Variants in CCDC102B observed in about 807,000 individuals in gnomAD.
The protein encoded by CCDC102B is coiled-coil domain-containing protein 102B.
A neutral mutation model predicts 57.4 loss-of-function variants in CCDC102B; 75 were observed. The ratio of observed to expected loss-of-function variants is 1.31; its 90% CI spans 1.08 to 1.58. The LOEUF (loss-of-function observed/expected upper bound fraction) is 1.58. Among genes scored for constraint, CCDC102B ranks in the 40% most tolerant of loss-of-function variants. The pLI, the probability that CCDC102B is intolerant of heterozygous loss-of-function variation, is 0.00. For synonymous variants in CCDC102B, 206 were observed against 201.9 expected, an observed-to-expected ratio of 1.02 and a Z score of -0.17; for missense variants, 636 against 582.6, an observed-to-expected ratio of 1.09 and a Z score of -0.94.
chr18:68,868,084 A>G (rs1385569173), intron 4 of CCDC102B, among the ~76,000 whole-genome samples: 3 of 152,108 alleles, frequency 2.0e-5, no homozygotes, highest in Non-Finnish European at 4.4e-5. Context: ...TTCCAGAAAA[A>G]AAAACTTCTT....
chr18:68,852,565 T>C (rs935501167), intron 4 of CCDC102B, among the ~76,000 whole-genome samples: 4 of 152,216 alleles, frequency 2.6e-5, no homozygotes, highest in African/African-American at 9.6e-5. Flanking sequence ...AACATAGCAC[T>C]TTGGCACCTG....
chr18:68,771,277 G>A (rs945268523), intron 2 of CCDC102B, among the ~76,000 whole-genome samples: 1 of 152,214 alleles, frequency 6.6e-6, no homozygotes, highest in Non-Finnish European at 1.5e-5. Flanking sequence ...AAAGGGGAGA[G>A]GATGTTCTTT....
At chr18:68,795,330 A>C (rs117430995), upstream of CCDC102B, among the ~76,000 whole-genome samples, 194 of 152,266 alleles carry the variant, frequency 1.3e-3, no homozygotes, top group Non-Finnish European at 1.9e-3. Flanking sequence ...GGAAATACAG[A>C]TCTGAAGCTT....
At position 68,863,345 on chromosome 18, in the gene CCDC102B, G is replaced by A. The variant is rs538774233; in HGVS notation, c.937-11324G>A. ...CTGTGTCTCCTACAAAATGAAAGTC[G>A]GATTTAAAGGGTTTGGTTTGAATCA... On this transcript the variant is annotated intron_variant, in intron 4 of 7. Coordinates refer to ENST00000360242, the MANE Select transcript of CCDC102B (RefSeq NM_024781.3). Among the ~76,000 whole-genome samples the A allele has an allele frequency of 3.3e-5, 5 of 151,832 alleles. No homozygotes were observed. The East Asian group carries it at 7.7e-4, about 23-fold the overall frequency.
At chr18:68,932,578 C>T (rs2041713004) in intron 6 of CCDC102B, among the ~76,000 whole-genome samples, 1 of 151,766 alleles carries the variant, frequency 6.6e-6, no homozygotes, top group African/African-American at 2.4e-5. Flanking sequence ...TTCCATTTTA[C>T]ACAAAAATCT....
chr18:68,911,584 C>T (rs1465651946), intron 6 of CCDC102B, among the ~76,000 whole-genome samples: 1 of 149,570 alleles, frequency 6.7e-6, no homozygotes, highest in Non-Finnish European at 1.5e-5. Flanking sequence ...AACCCCGTCT[C>T]TACTAAAAAT....
chr18:68,757,912 A>G (rs899162350), intron 2 of CCDC102B, among the ~76,000 whole-genome samples: 5 of 151,662 alleles, frequency 3.3e-5, no homozygotes, highest in Non-Finnish European at 5.9e-5. Context: ...GCCTTTGAAC[A>G]CATATTAGAA....
intron 7 of CCDC102B, among the ~76,000 whole-genome samples, chr18:69,043,685 TG>T (rs1465720721): frequency 2.0e-5 from 3 of 152,060 alleles, no homozygotes; most frequent in African/African-American, 4.8e-5. Context: ...AGCACAGGGT[TG>T]GGGGTAAGGT....
In CCDC102B at chr18:68,737,921, A is replaced by G. The variant is rs113310087; in HGVS notation, c.-67+21327A>G. On this transcript the variant is annotated intron_variant, in intron 2 of 3. Coordinates refer to the CCDC102B transcript ENST00000578970. The stretch of plus-strand genomic sequence containing the variant: ...ACCCACAGAGACTATATTTGTGCAC[A>G]TTGGAAGTACAAATCCCTTGAATGT... Among the ~76,000 whole-genome samples the G allele has an allele frequency of 5.8e-3, 886 of 152,232 alleles. 5 individuals carry two copies. The highest frequency in any genetic ancestry group is 0.01 in the Non-Finnish European group (682 of 68,002).
intron 7 of CCDC102B, among the ~76,000 whole-genome samples, chr18:69,041,400 C>T (rs2052431314): frequency 6.6e-6 from 1 of 152,066 alleles, no homozygotes; most frequent in Non-Finnish European, 1.5e-5. Flanking sequence ...TTATTGGATA[C>T]AGGTTTGCCT....
chr18:68,969,054 G>A (rs2050232061), intron 6 of CCDC102B, among the ~76,000 whole-genome samples: 2 of 152,094 alleles, frequency 1.3e-5, no homozygotes, highest in Admixed American at 1.3e-4. Flanking sequence ...CTCAGATTGT[G>A]AGCTCATTGC....
In CCDC102B at chr18:69,054,568, G is replaced by A. The variant is rs2052783866; in HGVS notation, c.*431G>A. 1 of 987,680 alleles carries A rather than the reference G, an allele frequency of 1.0e-6. No homozygotes were observed. Among genetic ancestry groups the A allele is most frequent in the African/African-American group, 1.7e-5 (1 of 57,360 alleles). The allele number at this position is 987,680 out of a possible 1,614,324, so 61.2% of individuals were successfully genotyped here. On this transcript the variant is annotated 3_prime_UTR_variant, in exon 8 of 8. Coordinates refer to ENST00000360242, the MANE Select transcript of CCDC102B (RefSeq NM_024781.3). ...AAACTTTTATGTACGTGTTGTCTAT[G>A]TGGTGGGGATGGCAGGTTGTATTAA...
At chr18:68,982,238 TA>T (rs141429230) in intron 6 of CCDC102B, among the ~76,000 whole-genome samples, 5 of 151,652 alleles carry the variant, frequency 3.3e-5, no homozygotes, top group African/African-American at 7.2e-5. Flanking sequence ...CCTAACAGTG[TA>T]AAAAAAACAA....
chr18:69,050,583 T>C (rs2052680019), intron 7 of CCDC102B, among the ~76,000 whole-genome samples: 1 of 152,184 alleles, frequency 6.6e-6, no homozygotes, highest in African/African-American at 2.4e-5. Context: ...AAATGCTTCA[T>C]GTCCAGTACC....
intron 2 of CCDC102B, among the ~76,000 whole-genome samples, chr18:68,745,423 T>A (rs1037450162): frequency 1.3e-5 from 2 of 150,060 alleles, no homozygotes; most frequent in Non-Finnish European, 3.0e-5. Context: ...AACAAAATAT[T>A]TGTCCTTCAA....
At chr18:68,989,808 C>A (rs527641929) in intron 6 of CCDC102B, among the ~76,000 whole-genome samples, 1 of 152,174 alleles carries the variant, frequency 6.6e-6, no homozygotes, top group Non-Finnish European at 1.5e-5. Flanking sequence ...ATTAGAGGTA[C>A]AGGCCCTGTC....
At position 68,768,698 on chromosome 18, in the gene CCDC102B, A is replaced by C. The variant is rs373143942; in HGVS notation, c.-67+52104A>C. ...TATTTTTCTTGCCTCAAAATACCAT[A>C]TAAGCTATACTTTTAGGTTAAAACT... is the stretch of plus-strand genomic sequence containing the variant. On this transcript the variant is annotated intron_variant, in intron 2 of 3. Transcript: ENST00000578970. Among the ~76,000 whole-genome samples the C allele has an allele frequency of 2.8e-4, 43 of 152,146 alleles. No homozygotes were observed. In the South Asian group the frequency reaches 5.4e-3, roughly 19 times the overall value.
chr18:68,890,714 G>A (rs771106997), intron 5 of CCDC102B, among the ~76,000 whole-genome samples: 5 of 152,004 alleles, frequency 3.3e-5, no homozygotes, highest in Non-Finnish European at 5.9e-5. Flanking sequence ...ATATTCTATT[G>A]TGTCGGCCTT....
chr18:68,866,692 A>C (rs537979768), intron 4 of CCDC102B: 2 of 471,752 alleles, frequency 4.2e-6, no homozygotes, highest in East Asian at 1.0e-4. Context: ...AGCACTGTCT[A>C]CAGTTTGGCC....
Sources: allele counts gnomAD v4.1 joint callset (sites outside exome capture counted in the v4.1 genomes callset), GRCh38; gene constraint gnomAD v4.1.1; transcripts MANE v1.5; gene names NCBI Gene and HGNC (gene_info 2026-07-23, HGNC 2026-07-21).